DNASE1: variants seen among roughly 807,000 people sequenced by gnomAD.
DNASE1 encodes the protein deoxyribonuclease 1, also known as deoxyribonuclease-1.
A neutral mutation model predicts 33.9 loss-of-function variants in DNASE1; 40 were observed. The observed-to-expected ratio is 1.18, with a 90% confidence interval of 0.92 to 1.54. DNASE1 has a LOEUF of 1.54. Among genes scored for constraint, DNASE1 ranks in the 40% most tolerant of loss-of-function variants. DNASE1 has a pLI of 0.00. For synonymous variants in DNASE1, 216 were observed against 160.0 expected (o/e 1.35, Z -2.64); for missense variants, 518 against 372.6 (o/e 1.39, Z -3.21).
exon 10 of DNASE1, chr16:3,663,869 C>T (rs554426705): frequency 1.3e-5 from 5 of 384,116 alleles, no homozygotes; most frequent in East Asian, 5.1e-5. Context: ...GTCAGGAGTT[C>T]GAGACCAACA....
intron 1 of DNASE1, among the ~76,000 whole-genome samples, chr16:3,616,423 C>G (rs1048136342): frequency 2.0e-5 from 3 of 152,130 alleles, no homozygotes; most frequent in African/African-American, 7.2e-5. Context: ...GAGTTCGAGA[C>G]CAGCCTGACC....
chr16:3,664,250 C>A, exon 10 of DNASE1: 1 of 1,538,272 alleles, frequency 6.5e-7, no homozygotes. Flanking sequence ...CCCCCGGAGC[C>A]CGCCCCACCC....
chr16:3,635,457 CAAAAAA>C (rs753495578), intron 1 of DNASE1, among the ~76,000 whole-genome samples: 695 of 59,692 alleles, frequency 0.012, 4 homozygotes, highest in Middle Eastern at 0.022. Context: ...GACTCTGTCT[CAAAAAA>C]AAAAAAAAAA....
At chr16:3,646,567 G>T (rs1209984897) in intron 1 of DNASE1, among the ~76,000 whole-genome samples, 2 of 152,120 alleles carry the variant, frequency 1.3e-5, no homozygotes, top group Admixed American at 6.5e-5. Context: ...TGACAAGAAG[G>T]CCCCAGCTCT....
chr16:3,653,983 C>G (rs541667416), upstream of DNASE1: 2 of 165,144 alleles, frequency 1.2e-5, no homozygotes, highest in East Asian at 3.4e-4. Flanking sequence ...TGGTGCCGTA[C>G]CCATAGTCTT....
chr16:3,641,690 G>A (rs1450392359), upstream of DNASE1, among the ~76,000 whole-genome samples: 1 of 152,236 alleles, frequency 6.6e-6, no homozygotes, highest in Non-Finnish European at 1.5e-5. Context: ...CAGAGAAGGT[G>A]ACAGCTCATG....
intron 1 of DNASE1, among the ~76,000 whole-genome samples, chr16:3,621,518 TC>T (rs1167160374): frequency 6.6e-6 from 1 of 152,210 alleles, no homozygotes; most frequent in Non-Finnish European, 1.5e-5. Context: ...CTTGAAATAT[TC>T]CAGATAATTC....
upstream of DNASE1, among the ~76,000 whole-genome samples, chr16:3,638,104 AGTGTGTGTGTGT>A (rs58884007): frequency 1.2e-4 from 17 of 143,556 alleles, no homozygotes; most frequent in African/African-American, 2.8e-4. Context: ...AGTTTTTGTG[AGTGTGTGTGTGT>A]GTGTGTGTGT....
At chr16:3,658,740 T>TG (rs2042878289), downstream of DNASE1, 7 of 1,541,282 alleles carry the variant, frequency 4.5e-6, no homozygotes, top group East Asian at 9.1e-5. Context: ...GAAGGCAGGC[T>TG]GGCAGGGCTG....
Position 3,654,869 on chromosome 16 carries a change from G to C in DNASE1, c.-177G>C, listed in dbSNP as rs577894979. ...TAAAACTCCCAGACACGCACTGCCT[G>C]TGCAGGATCCGGAGCCCAGCAGCAC... On this transcript the variant is annotated 5_prime_UTR_variant, in exon 1 of 9. Transcript: ENST00000246949. 9.5e-6 allele frequency: 4 copies of C among 423,110 alleles called. No homozygotes were observed. The highest frequency in any genetic ancestry group is 4.1e-5 in the African/African-American group (2 of 49,060). 26.2% of individuals were successfully genotyped at this position (423,110 alleles called of 1,614,324 possible).
intron 1 of DNASE1, among the ~76,000 whole-genome samples, chr16:3,647,539 GC>G (rs1303083718): frequency 4.6e-5 from 7 of 152,088 alleles, no homozygotes; most frequent in African/African-American, 1.7e-4. Context: ...CTGCCAAAGT[GC>G]TGGGATTACA....
At chr16:3,621,959 G>T (rs144023538) in intron 1 of DNASE1, among the ~76,000 whole-genome samples, 279 of 152,294 alleles carry the variant, frequency 1.8e-3, no homozygotes, top group African/African-American at 6.1e-3. Flanking sequence ...GGTGGCTCAT[G>T]CCTGTAATGC....
chr16:3,655,728 A>C, intron 2 of DNASE1, 121 bp from the exon 3 acceptor site: 1 of 1,434,336 alleles, frequency 7.0e-7, no homozygotes, highest in Non-Finnish European at 9.7e-7. Flanking sequence ...CCCAGGCAGA[A>C]ACATGAGGCT....
At chr16:3,653,934 C>A (rs1596639231), upstream of DNASE1, 1 of 151,740 alleles carries the variant, frequency 6.6e-6, no homozygotes. Flanking sequence ...AAGAGCAAGA[C>A]CCCATCTCTA....
chr16:3,635,720 T>TC (rs1567195107), intron 1 of DNASE1, among the ~76,000 whole-genome samples: 1 of 151,678 alleles, frequency 6.6e-6, no homozygotes, highest in Admixed American at 6.6e-5. Context: ...TTTTTTTTTT[T>TC]CCTTACAACA....
rs116078786 is a variant in DNASE1, at chr16:3,634,676, A to G, written c.-1358-6039A>G. Among the ~76,000 whole-genome samples, 536 of 144,868 alleles carry G rather than the reference A, an allele frequency of 3.7e-3. 3 individuals carry two copies. The highest frequency in any genetic ancestry group is 0.013 in the African/African-American group (508 of 39,418). ...AGGTGTGCACCACCATGCCTAGATA[A>G]TTTTTTTTTTTAATTTCTAGTAGAG... On this transcript the variant is annotated intron_variant and NMD_transcript_variant, in intron 1 of 11. Transcript: ENST00000570769.
chr16:3,646,043 G>T (rs549926748), intron 1 of DNASE1, among the ~76,000 whole-genome samples: 3 of 151,996 alleles, frequency 2.0e-5, no homozygotes, highest in African/African-American at 7.3e-5. Flanking sequence ...AAAGAACCCC[G>T]AGTAGAGCCA....
intron 1 of DNASE1, among the ~76,000 whole-genome samples, chr16:3,647,128 G>A (rs1410912862): frequency 6.6e-6 from 1 of 152,010 alleles, no homozygotes; most frequent in Non-Finnish European, 1.5e-5. Flanking sequence ...TGGAAACCTG[G>A]GCATTTAATT....
At chr16:3,660,270 G>C (rs2042995066), downstream of DNASE1, 2 of 152,214 alleles carry the variant, frequency 1.3e-5, no homozygotes, top group Non-Finnish European at 2.9e-5. Context: ...GACACAGGTA[G>C]GAGGAAATTT....
Sources: gnomAD v4.1 joint callset for allele counts (sites outside exome capture counted in the v4.1 genomes callset) on GRCh38, gnomAD v4.1.1 for gene constraint, MANE v1.5 for transcripts, NCBI Gene and HGNC (gene_info 2026-07-23, HGNC 2026-07-21) for gene names.